TMEM97: variants seen among roughly 807,000 people sequenced by gnomAD.
TMEM97 encodes the protein sigma intracellular receptor 2.
In TMEM97, 13 loss-of-function variants were observed where a neutral mutation model predicts 18.3. The ratio of observed to expected loss-of-function variants is 0.71; its 90% CI spans 0.46 to 1.13. The LOEUF (loss-of-function observed/expected upper bound fraction) is 1.13, where lower values mean the gene tolerates loss of function less well. Among genes scored for constraint, TMEM97 ranks in the 50% most tolerant of loss-of-function variants. TMEM97 has a pLI of 0.00. For synonymous variants in TMEM97, 76 were observed against 85.3 expected (o/e 0.89, Z 0.60); for missense variants, 205 against 210.5 (o/e 0.97, Z 0.16).
Position 28,326,794 on chromosome 17 carries a change from AGGAAACAACCACT to A in TMEM97, c.*4_*16del, listed in dbSNP as rs1567777167. 14 of 1,609,940 alleles carry A rather than the reference AGGAAACAACCACT, an allele frequency of 8.7e-6. No homozygotes were observed. Among genetic ancestry groups the A allele is most frequent in the Non-Finnish European group, 1.2e-5 (14 of 1,179,458 alleles). On this transcript the variant is annotated 3_prime_UTR_variant, in exon 3 of 3. Transcript: ENST00000226230. ...TGAAGAGAAAAGAAAAAAAAAATGA[AGGAAACAACCACT>A]GGCCCAGGGTAGAGATGCCTACAGG...
intron 1 of TMEM97, among the ~76,000 whole-genome samples, chr17:28,321,849 T>TGTGTGTGTGA (rs1906159446): frequency 6.6e-6 from 1 of 150,988 alleles, no homozygotes; most frequent in Admixed American, 6.6e-5. Context: ...TGTGTTTGTG[T>TGTGTGTGTGA]GAGATTTAGG....
Position 28,326,936 on chromosome 17 carries a change from G to A in TMEM97, c.*143G>A, listed in dbSNP as rs1906375646. 3.8e-6 allele frequency: 4 copies of A among 1,060,750 alleles called. No individual in the cohort carries two copies. The highest frequency in any genetic ancestry group is 4.1e-6 in the Non-Finnish European group (3 of 737,020). 65.7% of individuals were successfully genotyped at this position (1,060,750 alleles called of 1,614,324 possible). A position where few individuals can be genotyped will look rare whatever the true frequency, so the allele number is the denominator to read the frequency against. On this transcript the variant is annotated 3_prime_UTR_variant, in exon 3 of 3. Coordinates refer to ENST00000226230, the MANE Select transcript of TMEM97 (RefSeq NM_014573.3). ...ATGCACAAGAGCAAGATGGTGTCAG[G>A]AACCATGTCAAACCCTCACCTTCTT...
At chr17:28,321,456 T>C (rs1434683456) in intron 1 of TMEM97, among the ~76,000 whole-genome samples, 2 of 152,212 alleles carry the variant, frequency 1.3e-5, no homozygotes, top group Non-Finnish European at 2.9e-5. Flanking sequence ...GTCTTTTTTT[T>C]AGAAACAGGG....
chr17:28,328,613 T>C lies in TMEM97; in HGVS notation c.*1820T>C. 7.1e-7 allele frequency: 1 copy of C among 1,410,830 alleles called. No homozygotes were observed. Among genetic ancestry groups the C allele is most frequent in the African/African-American group, 1.4e-5 (1 of 69,540 alleles). The allele number at this position is 1,410,830 out of a possible 1,614,324, so 87.4% of individuals were successfully genotyped here. ...TTTTTTTGGTTTTGAGAGGCTTTTTTTTGTTTTGCCTTCCTACTATAAAAG... is the reference window on the plus strand; with the variant it reads ...TTTTTTTGGTTTTGAGAGGCTTTTTCTTGTTTTGCCTTCCTACTATAAAAG... On this transcript the variant is annotated 3_prime_UTR_variant, in exon 3 of 3. Transcript: ENST00000226230.
chr17:28,320,678 A>G (rs1555574833), intron 1 of TMEM97, among the ~76,000 whole-genome samples: 1 of 152,226 alleles, frequency 6.6e-6, no homozygotes, highest in Non-Finnish European at 1.5e-5. Context: ...ATTTGTTTAC[A>G]GTTCTGGAGG....
rs1906041813 is a variant in TMEM97, at chr17:28,319,357, C to G, written c.118C>G (p.Pro40Ala). ...LQAVLPRELY[P>A]VEFRNLLKWY... ...GGCGGTGCTGCCGCGCGAGCTCTAC[C>G]CAGTCGAGGTGAGGGGCGCCCCTCT... Residue 40 changes from proline to alanine, a missense_variant, in exon 1 of 3, where the codon CCA (proline) becomes GCA (alanine). By Grantham distance (27) the Pro-to-Ala change is conservative (BLOSUM62 -1). Coordinates refer to ENST00000226230, the MANE Select transcript of TMEM97 (RefSeq NM_014573.3). The G allele has an allele frequency of 6.3e-7, 1 of 1,599,560 alleles. No homozygotes were observed. The highest frequency in any genetic ancestry group is 8.5e-7 in the Non-Finnish European group (1 of 1,173,122).
Position 28,328,387 on chromosome 17 carries a change from G to A in TMEM97, c.*1594G>A, listed in dbSNP as rs1555575851. 2 of 350,280 alleles carry A rather than the reference G, an allele frequency of 5.7e-6. No homozygotes were observed. The highest frequency in any genetic ancestry group is 1.0e-5 in the Non-Finnish European group (2 of 194,590). The allele number at this position is 350,280 out of a possible 1,614,324, so 21.7% of individuals were successfully genotyped here. On this transcript the variant is annotated 3_prime_UTR_variant, in exon 3 of 3. Transcript: ENST00000226230. Reference sequence around the variant, plus strand: ...AAGCTTTGTGAATTTACAAAAAAAAGGATGAAAGTTTACAAACTGCTTAGT... The same window carrying A: ...AAGCTTTGTGAATTTACAAAAAAAAAGATGAAAGTTTACAAACTGCTTAGT...
intron 1 of TMEM97, among the ~76,000 whole-genome samples, chr17:28,320,340 AG>A (rs1906094386): frequency 6.6e-6 from 1 of 152,176 alleles, no homozygotes; most frequent in African/African-American, 2.4e-5. Flanking sequence ...CGACTTTTCA[AG>A]GGGCCTAACT....
At chr17:28,325,781 G>A (rs1555575404) in intron 2 of TMEM97, 134 bp downstream of exon 2, 15 of 1,264,780 alleles carry the variant, frequency 1.2e-5, no homozygotes, top group Non-Finnish European at 1.6e-5. Flanking sequence ...GGGGTAAATA[G>A]CCAGGGTAGA....
chr17:28,322,753 A>G (rs1906194074), intron 1 of TMEM97, among the ~76,000 whole-genome samples: 1 of 152,198 alleles, frequency 6.6e-6, no homozygotes, highest in Non-Finnish European at 1.5e-5. Context: ...GTGAGTAGCA[A>G]CCACTGGTTT....
At chr17:28,321,051 T>C (rs1906122661) in intron 1 of TMEM97, among the ~76,000 whole-genome samples, 1 of 152,222 alleles carries the variant, frequency 6.6e-6, no homozygotes, top group African/African-American at 2.4e-5. Flanking sequence ...TGGGGGCCAT[T>C]ATTCAGCCTA....
At chr17:28,322,022 A>G (rs1211893237) in intron 1 of TMEM97, among the ~76,000 whole-genome samples, 2 of 152,188 alleles carry the variant, frequency 1.3e-5, no homozygotes, top group Non-Finnish European at 2.9e-5. Context: ...AAATAATAAT[A>G]AACGCCTTGA....
chr17:28,320,373 A>G (rs1906095816), intron 1 of TMEM97, among the ~76,000 whole-genome samples: 1 of 152,212 alleles, frequency 6.6e-6, no homozygotes, highest in African/African-American at 2.4e-5. Context: ...GCCACGGCTC[A>G]AGAATGTTCT....
chr17:28,323,499 C>T (rs1555575120), intron 1 of TMEM97, among the ~76,000 whole-genome samples: 1 of 151,126 alleles, frequency 6.6e-6, no homozygotes, highest in Non-Finnish European at 1.5e-5. Flanking sequence ...GGCTCGATCT[C>T]GGCTCACTGC....
chr17:28,326,775 G>GAA lies in TMEM97; in HGVS notation c.516_517dup (p.Arg173LysfsTer192). ...GGAGCCCCTACTACAAGTATGAAGAGAAAAGAAAAAAAAAATGAAGGAAAC... is the reference window on the plus strand; with the variant it reads ...GGAGCCCCTACTACAAGTATGAAGAGAAAAAAGAAAAAAAAAATGAAGGAAAC... On this transcript the variant is annotated frameshift_variant, in exon 3 of 3. Coordinates refer to ENST00000226230, the MANE Select transcript of TMEM97 (RefSeq NM_014573.3). LOFTEE classifies it high-confidence loss of function. 6.3e-7 allele frequency: 1 copy of GAA among 1,596,634 alleles called. No individual in the cohort carries two copies. The highest frequency in any genetic ancestry group is 1.4e-5 in the African/African-American group (1 of 73,074).
intron 1 of TMEM97, 139 bp downstream of exon 1, chr17:28,319,504 A>C: frequency 1.9e-6 from 2 of 1,060,728 alleles, no homozygotes; most frequent in Non-Finnish European, 2.5e-6. Flanking sequence ...CCCGCTCCTA[A>C]CCCAACTTTA....
In TMEM97 at chr17:28,323,892, G is replaced by A. The variant is rs954939139; in HGVS notation, c.127-1611G>A. Among the ~76,000 whole-genome samples, 5 of 152,168 alleles carry A rather than the reference G, an allele frequency of 3.3e-5. 1 individual carries two copies. In the South Asian group the frequency reaches 8.3e-4, roughly 25 times the overall value. The stretch of plus-strand genomic sequence containing the variant: ...GCATACCTGTAGTCCCAGCTACTGG[G>A]GAAGCTGAGGTGACAGAATCATCTG... On this transcript the variant is annotated intron_variant, in intron 1 of 2. Coordinates refer to ENST00000226230, the MANE Select transcript of TMEM97 (RefSeq NM_014573.3).
Position 28,326,986 on chromosome 17 carries a change from A to T in TMEM97, c.*193A>T. On this transcript the variant is annotated 3_prime_UTR_variant, in exon 3 of 3. Coordinates refer to ENST00000226230, the MANE Select transcript of TMEM97 (RefSeq NM_014573.3). The stretch of plus-strand genomic sequence containing the variant: ...TCCATTTTTTTTTTTTTTTTAAGAC[A>T]GTCTCACTCTGTTGCCCAGGCTGGA... 1.6e-6 allele frequency: 1 copy of T among 642,118 alleles called. No homozygotes were observed. Among genetic ancestry groups the T allele is most frequent in the East Asian group, 3.0e-5 (1 of 33,568 alleles). The allele number at this position is 642,118 out of a possible 1,614,324, so 39.8% of individuals were successfully genotyped here.
intron 1 of TMEM97, among the ~76,000 whole-genome samples, chr17:28,323,235 T>C (rs1555575095): frequency 6.6e-6 from 1 of 152,178 alleles, no homozygotes; most frequent in East Asian, 1.9e-4. Flanking sequence ...TGTGGGCAGA[T>C]GGTTGGTTAC....
Sources: gnomAD v4.1 joint callset for allele counts (sites outside exome capture counted in the v4.1 genomes callset) on GRCh38, gnomAD v4.1.1 for gene constraint, MANE v1.5 for transcripts, NCBI Gene and HGNC (gene_info 2026-07-23, HGNC 2026-07-21) for gene names.